The following ZNF638 variants were observed in gnomAD, a reference collection of about 807,000 sequenced individuals.
The protein encoded by ZNF638 is CTCL tumor antigen se33-1.
In ZNF638, 46 loss-of-function variants were observed where a neutral mutation model predicts 195.6. The ratio of observed to expected loss-of-function variants is 0.24; its 90% CI spans 0.19 to 0.30. The LOEUF (loss-of-function observed/expected upper bound fraction) is 0.30, where lower values mean the gene tolerates loss of function less well. Among genes scored for constraint, ZNF638 ranks in the 10% least tolerant of loss-of-function variants. The pLI is 1.00. For synonymous variants in ZNF638, 845 were observed against 772.0 expected (o/e 1.09, Z -1.57); for missense variants, 2,440 against 2,325.3 (o/e 1.05, Z -1.01).
At chr2:71,404,288 T>C (rs116688650) in intron 17 of ZNF638, among the ~76,000 whole-genome samples, 73 of 152,370 alleles carry the variant, frequency 4.8e-4, no homozygotes, top group African/African-American at 1.7e-3. Context: ...TCATCTAAAC[T>C]AGAATTCTGG....
Position 71,429,798 on chromosome 2 carries a change from C to T in ZNF638, c.5650+1147C>T, listed in dbSNP as rs532622774. On this transcript the variant is annotated intron_variant, in intron 25 of 27. Coordinates refer to ENST00000264447, the MANE Select transcript of ZNF638 (RefSeq NM_014497.5). ...GTGTTTTCTTCTTAAGTTAGTCTTA[C>T]TTGACTTTTCCACATGATTGGTTAC... Among the ~76,000 whole-genome samples, 19 of 152,260 alleles carry T rather than the reference C, an allele frequency of 1.2e-4. No individual in the cohort carries two copies. The South Asian group carries it at 3.9e-3, about 32-fold the overall frequency.
At chr2:71,431,858 T>G (rs1181548905) in intron 26 of ZNF638, among the ~76,000 whole-genome samples, 1 of 152,248 alleles carries the variant, frequency 6.6e-6, no homozygotes, top group Admixed American at 6.5e-5. Flanking sequence ...AGTGGAAATT[T>G]GCATGTTTTA....
intron 23 of ZNF638, among the ~76,000 whole-genome samples, chr2:71,425,249 C>T (rs991284673): frequency 4.0e-5 from 6 of 151,740 alleles, no homozygotes; most frequent in Admixed American, 1.3e-4. Context: ...CTTTTCTTAC[C>T]TGGTAGGGGA....
chr2:71,390,353 G>C (rs1308896204), intron 10 of ZNF638, among the ~76,000 whole-genome samples: 3 of 152,308 alleles, frequency 2.0e-5, no homozygotes, highest in Admixed American at 1.3e-4. Flanking sequence ...AGTGCTAAAA[G>C]GAGAAGACCC....
chr2:71,333,185 T>C (rs768545850), intron 1 of ZNF638: 1 of 152,250 alleles, frequency 6.6e-6, no homozygotes, highest in Non-Finnish European at 1.5e-5. Flanking sequence ...CTTATGTTGC[T>C]GTCTTTTAAA....
chr2:71,404,093 C>T, intron 17 of ZNF638, 95 bp downstream of exon 17: 1 of 1,288,236 alleles, frequency 7.8e-7, no homozygotes, highest in Non-Finnish European at 1.1e-6. Context: ...CTTTGGTTCA[C>T]ATTTTTCTCA....
At chr2:71,424,180 A>G (rs772743544) in intron 22 of ZNF638, 142 bp downstream of exon 22, 2 of 1,143,090 alleles carry the variant, frequency 1.7e-6, no homozygotes, top group Non-Finnish European at 2.4e-6. Flanking sequence ...CTTTTCTTAA[A>G]TGATTCCATT....
chr2:71,348,541 CT>C, intron 1 of ZNF638: 1 of 1,180,434 alleles, frequency 8.5e-7, no homozygotes, highest in Non-Finnish European at 1.1e-6. Context: ...TGAACTCTGG[CT>C]TGAGGTTTGG....
chr2:71,395,158 A>G, intron 10 of ZNF638: 2 of 695,882 alleles, frequency 2.9e-6, no homozygotes, highest in South Asian at 3.1e-5. Flanking sequence ...GTGCAAGAAC[A>G]TCTCTCCTGG....
chr2:71,356,194 T>C (rs2079019952), intron 3 of ZNF638, among the ~76,000 whole-genome samples: 1 of 152,290 alleles, frequency 6.6e-6, no homozygotes, highest in East Asian at 1.9e-4. Flanking sequence ...TTAGAACCAG[T>C]TTTCAGAATA....
At chr2:71,433,357 C>A in intron 27 of ZNF638, 74 bp downstream of exon 27, 2 of 1,067,636 alleles carry the variant, frequency 1.9e-6, no homozygotes, top group Non-Finnish European at 1.4e-6. Flanking sequence ...TCTCCCCAAA[C>A]GTACATTTCC....
At chr2:71,345,624 C>A (rs530693180) in intron 1 of ZNF638, among the ~76,000 whole-genome samples, 1 of 152,224 alleles carries the variant, frequency 6.6e-6, no homozygotes, top group Non-Finnish European at 1.5e-5. Flanking sequence ...TCAAAGCAGT[C>A]CTCCTGCCTT....
intron 10 of ZNF638, chr2:71,388,657 C>A: frequency 1.1e-6 from 1 of 937,472 alleles, no homozygotes; most frequent in South Asian, 1.3e-5. Flanking sequence ...TGGTGCCCCT[C>A]GTGAGGAACA....
At chr2:71,333,606 A>C (rs945478418) in intron 1 of ZNF638, among the ~76,000 whole-genome samples, 3 of 152,286 alleles carry the variant, frequency 2.0e-5, no homozygotes, top group Admixed American at 2.0e-4. Flanking sequence ...TGATCTCCGG[A>C]AATTTTGTTT....
chr2:71,419,808 G>A (rs2080386304), intron 21 of ZNF638, among the ~76,000 whole-genome samples: 1 of 152,004 alleles, frequency 6.6e-6, no homozygotes, highest in Admixed American at 6.6e-5. Flanking sequence ...TGCATGAAAA[G>A]TTGTTCTCCA....
At chr2:71,403,514 A>G (rs1320523459) in intron 16 of ZNF638, among the ~76,000 whole-genome samples, 1 of 152,174 alleles carries the variant, frequency 6.6e-6, no homozygotes, top group Admixed American at 6.5e-5. Context: ...TACTCAAGAA[A>G]TACTAATATT....
chr2:71,334,457 G>A (rs2078628680), intron 1 of ZNF638: 3 of 152,200 alleles, frequency 2.0e-5, no homozygotes, highest in African/African-American at 7.2e-5. Context: ...AAGCCCTCAT[G>A]TGTATCCAGC....
intron 1 of ZNF638, among the ~76,000 whole-genome samples, chr2:71,346,703 A>G (rs2078855721): frequency 6.6e-6 from 1 of 152,148 alleles, no homozygotes; most frequent in South Asian, 2.1e-4. Context: ...TAAGATAGTA[A>G]GAATCCAAAA....
intron 10 of ZNF638, among the ~76,000 whole-genome samples, chr2:71,385,850 TA>T (rs963368898): frequency 1.3e-5 from 2 of 152,206 alleles, no homozygotes; most frequent in African/African-American, 4.8e-5. Context: ...ACAGCTTTCA[TA>T]AAACTATAGA....
Sources: allele counts gnomAD v4.1 joint callset (sites outside exome capture counted in the v4.1 genomes callset), GRCh38; gene constraint gnomAD v4.1.1; transcripts MANE v1.5; gene names NCBI Gene and HGNC (gene_info 2026-07-23, HGNC 2026-07-21).